The following SDC1 variants were observed in gnomAD, a reference collection of about 807,000 sequenced individuals.
SDC1 encodes syndecan 1.
A neutral mutation model predicts 29.7 loss-of-function variants in SDC1; 14 were observed. The observed-to-expected ratio is 0.47, with a 90% confidence interval of 0.31 to 0.74. SDC1 has a LOEUF of 0.74. Among genes scored for constraint, SDC1 ranks in the 30% least tolerant of loss-of-function variants. SDC1 has a pLI of 0.05. For synonymous variants in SDC1, 204 were observed against 175.5 expected (o/e 1.16, Z -1.29); for missense variants, 406 against 400.3 (o/e 1.01, Z -0.12).
chr2:20,203,929 T>G lies in SDC1; in HGVS notation c.511A>C (p.Ser171Arg). 1 of 1,614,022 alleles carries G rather than the reference T, an allele frequency of 6.2e-7. No individual in the cohort carries two copies. Among genetic ancestry groups the G allele is most frequent in the Non-Finnish European group, 8.5e-7 (1 of 1,180,002 alleles). ...HHETSTPAGP[S>R]QADLHTPHTE... is the part of the protein sequence containing the mutation. ...TGGGGAGTGTGAAGGTCAGCTTGGC[T>G]GGGTCCTGCAGGGGTTGAGGTCTCA... Residue 171 changes from serine (S) to arginine (R), a missense_variant, in exon 3 of 5, where the codon AGC becomes CGC. Transcript: ENST00000254351.
chr2:20,202,862 C>T lies in SDC1; in HGVS notation c.837G>A (p.Lys279=), dbSNP rs549739902. The change falls in exon 5 of 5, where the codon AAG becomes AAA. Residue 279 remains lysine (K), a synonymous_variant. Coordinates refer to ENST00000254351, the MANE Select transcript of SDC1 (RefSeq NM_002997.5). ...CLVGFMLYRM[K]KKDEGSYSLE... Reference sequence around the variant, plus strand: ...AGGAGTAGCTGCCTTCGTCCTTCTTCTTCATGCGGTACAGCATGAAACCCA... The same window carrying T: ...AGGAGTAGCTGCCTTCGTCCTTCTTTTTCATGCGGTACAGCATGAAACCCA... The T allele has an allele frequency of 1.2e-6, 2 of 1,613,940 alleles. No individual in the cohort carries two copies. The highest frequency in any genetic ancestry group is 1.3e-5 in the African/African-American group (1 of 75,050).
chr2:20,203,154 C>G lies in SDC1; in HGVS notation c.696G>C (p.Gln232His), dbSNP rs1278251635. 3 of 1,613,236 alleles carry G rather than the reference C, an allele frequency of 1.9e-6. No individual in the cohort carries two copies. The highest frequency in any genetic ancestry group is 2.5e-6 in the Non-Finnish European group (3 of 1,179,648). Residue 232 changes from glutamine to histidine, a missense_variant, in exon 4 of 5, where the codon CAG (glutamine) becomes CAC (histidine). Gln to His is a conservative substitution (Grantham distance 24, BLOSUM62 0). Coordinates refer to ENST00000254351, the MANE Select transcript of SDC1 (RefSeq NM_002997.5). ...CCGTGGCCCCCTGATCCACTGGGGACTGGTTCCGGCGGTCAGGCTCCACGG... is the reference window on the plus strand; with the variant it reads ...CCGTGGCCCCCTGATCCACTGGGGAGTGGTTCCGGCGGTCAGGCTCCACGG... ...VVAVEPDRRN[Q>H]SPVDQGATGA...
In SDC1 at chr2:20,201,941, C is replaced by A; in HGVS notation, c.*825G>T. The A allele has an allele frequency of 3.5e-6, 1 of 284,998 alleles. No individual in the cohort carries two copies. The highest frequency in any genetic ancestry group is 7.8e-5 in the East Asian group (1 of 12,828). 17.7% of individuals were successfully genotyped at this position (284,998 alleles called of 1,614,324 possible). A position where few individuals can be genotyped will look rare whatever the true frequency, so the allele number is the denominator to read the frequency against. On this transcript the variant is annotated 3_prime_UTR_variant, in exon 5 of 5. Transcript: ENST00000254351. ...GACTGCTTGAAAGAGGCGGCGGCCCCACGGCAGCCTGGACTGGCCAGCCTG... is the reference window on the plus strand; with the variant it reads ...GACTGCTTGAAAGAGGCGGCGGCCCAACGGCAGCCTGGACTGGCCAGCCTG...
At chr2:20,205,307 C>G in intron 2 of SDC1, 36 bp downstream of exon 2, 4 of 1,522,124 alleles carry the variant, frequency 2.6e-6, no homozygotes, top group Non-Finnish European at 3.6e-6. Context: ...GACCTGTTGC[C>G]GTCTTGGGTG....
Position 20,204,225 on chromosome 2 carries a change from G to A in SDC1, c.215C>T (p.Thr72Met), listed in dbSNP as rs766762575. 2.4e-5 allele frequency: 39 copies of A among 1,595,754 alleles called. No individual in the cohort carries two copies. Among genetic ancestry groups the A allele is most frequent in the Non-Finnish European group, 2.9e-5 (34 of 1,177,846 alleles). Residue 72 changes from threonine to methionine, a missense_variant, in exon 3 of 5, where the codon ACG becomes ATG. Thr to Met is a moderately conservative substitution (Grantham distance 81, BLOSUM62 -1). Coordinates refer to ENST00000254351, the MANE Select transcript of SDC1 (RefSeq NM_002997.5). ...PSTWKDTQLLTAIPTSPEPTG... is the reference protein window; with the variant it reads ...PSTWKDTQLLMAIPTSPEPTG... ...GGGTTCTGGAGACGTGGGAATAGCCGTCAGGAGCTGCGTGTCCTTCCAAGT... is the reference window on the plus strand; with the variant it reads ...GGGTTCTGGAGACGTGGGAATAGCCATCAGGAGCTGCGTGTCCTTCCAAGT...
intron 1 of SDC1, among the ~76,000 whole-genome samples, chr2:20,220,365 ACACACACACACACTG>A (rs1677779135): frequency 6.6e-6 from 1 of 151,942 alleles, no homozygotes; most frequent in African/African-American, 2.4e-5. Flanking sequence ...ACACATGCGC[ACACACACACACACTG>A]CACACACACA....
chr2:20,210,112 T>A (rs1490499153), intron 1 of SDC1, among the ~76,000 whole-genome samples: 1 of 152,182 alleles, frequency 6.6e-6, no homozygotes, highest in Non-Finnish European at 1.5e-5. Context: ...GAGGCCGAGG[T>A]AGGCGGATCA....
At chr2:20,208,055 T>C in intron 1 of SDC1, 1 of 985,424 alleles carries the variant, frequency 1.0e-6, no homozygotes, top group Middle Eastern at 5.2e-4. Context: ...CCCACGAGCC[T>C]CTGCTGCATT....
chr2:20,203,066 C>A (rs754348392), intron 4 of SDC1, 21 bp downstream of exon 4: 2 of 1,585,072 alleles, frequency 1.3e-6, no homozygotes, highest in Non-Finnish European at 1.7e-6. Context: ...CCCCAAACTA[C>A]CCCCCTGAAA....
chr2:20,225,384 C>A (rs1478918346), upstream of SDC1: 1 of 152,344 alleles, frequency 6.6e-6, no homozygotes, highest in Non-Finnish European at 1.5e-5. Context: ...GGCGCACCCC[C>A]TTCTGCCCGG....
rs117840234 is a variant in SDC1, at chr2:20,211,584, G to A, written c.67-6160C>T. On this transcript the variant is annotated intron_variant, in intron 1 of 4. Coordinates refer to ENST00000254351, the MANE Select transcript of SDC1 (RefSeq NM_002997.5). Reference sequence around the variant, plus strand: ...CCTGAAGCTGGGCTGAGGCTCCTTCGTGCCTGGGGCTGAGCCCACTGGCTT... The same window carrying A: ...CCTGAAGCTGGGCTGAGGCTCCTTCATGCCTGGGGCTGAGCCCACTGGCTT... 3.7e-4 allele frequency among the ~76,000 whole-genome samples: 57 copies of A among 152,338 alleles called. 2 individuals are homozygous for A. In the East Asian group the frequency reaches 0.011, roughly 29 times the overall value.
At chr2:20,206,925 AG>A (rs1677290049) in intron 1 of SDC1, among the ~76,000 whole-genome samples, 2 of 152,334 alleles carry the variant, frequency 1.3e-5, no homozygotes, top group Admixed American at 6.5e-5. Flanking sequence ...AGAGGGTGAA[AG>A]GGAGGTAGAT....
chr2:20,222,545 G>C (rs560359771), intron 1 of SDC1, among the ~76,000 whole-genome samples: 1 of 152,244 alleles, frequency 6.6e-6, no homozygotes, highest in African/African-American at 2.4e-5. Context: ...AGCTCAGGTG[G>C]GGCTTTCAGG....
intron 1 of SDC1, among the ~76,000 whole-genome samples, chr2:20,210,130 T>G (rs1448015157): frequency 6.6e-6 from 1 of 152,120 alleles, no homozygotes; most frequent in Non-Finnish European, 1.5e-5. Context: ...TCACCTGAGG[T>G]CAGGAATTCC....
At chr2:20,204,717 C>A (rs78369671) in intron 2 of SDC1, among the ~76,000 whole-genome samples, 3,548 of 152,252 alleles carry the variant, frequency 0.023, 121 homozygotes, top group African/African-American at 0.076. Flanking sequence ...TCCTACCTTG[C>A]AGCTCTCAGG....
chr2:20,203,538 T>G (rs559267452), intron 3 of SDC1, among the ~76,000 whole-genome samples: 1 of 152,364 alleles, frequency 6.6e-6, no homozygotes, highest in African/African-American at 2.4e-5. Flanking sequence ...TTGGACTTGG[T>G]ATAACGTTCA....
Position 20,201,981 on chromosome 2 carries a change from G to T in SDC1, c.*785C>A. 1 of 352,270 alleles carries T rather than the reference G, an allele frequency of 2.8e-6. No individual in the cohort carries two copies. The highest frequency in any genetic ancestry group is 5.5e-5 in the East Asian group (1 of 18,296). The allele number at this position is 352,270 out of a possible 1,614,324, so 21.8% of individuals were successfully genotyped here. A position where few individuals can be genotyped will look rare whatever the true frequency, so the allele number is the denominator to read the frequency against. On this transcript the variant is annotated 3_prime_UTR_variant, in exon 5 of 5. Coordinates refer to ENST00000254351, the MANE Select transcript of SDC1 (RefSeq NM_002997.5). The stretch of plus-strand genomic sequence containing the variant: ...TGGCCAGCCTGCCAACAGACCACCA[G>T]AAACGGGGCCACCAGACAGATAGTC...
chr2:20,208,692 C>T (rs1021821536), intron 1 of SDC1, among the ~76,000 whole-genome samples: 1 of 152,212 alleles, frequency 6.6e-6, no homozygotes, highest in Admixed American at 6.5e-5. Flanking sequence ...GTAGCTCTCC[C>T]CAGCATCATC....
intron 1 of SDC1, among the ~76,000 whole-genome samples, chr2:20,221,370 G>A (rs1359043626): frequency 2.0e-5 from 3 of 152,184 alleles, no homozygotes; most frequent in African/African-American, 7.2e-5. Context: ...CTGGAAAAAG[G>A]AGAAAGACCA....
Sources: allele counts gnomAD v4.1 joint callset (sites outside exome capture counted in the v4.1 genomes callset), GRCh38; gene constraint gnomAD v4.1.1; transcripts MANE v1.5; gene names NCBI Gene and HGNC (gene_info 2026-07-23, HGNC 2026-07-21).